Variants in TXLNB observed in about 807,000 individuals in gnomAD.
TXLNB encodes the protein beta-taxilin.
In TXLNB, 37 loss-of-function variants were observed where a neutral mutation model predicts 57.4. That is an observed-to-expected ratio of 0.64 (90% CI 0.50 to 0.85). The LOEUF (loss-of-function observed/expected upper bound fraction) is 0.85. Among genes scored for constraint, TXLNB ranks in the 40% least tolerant of loss-of-function variants. The probability of loss-of-function intolerance (pLI) is 0.00; values close to 1 mark genes in which losing one functional copy is unlikely to be tolerated. For synonymous variants in TXLNB, 302 were observed against 309.6 expected (o/e 0.98, Z 0.26); for missense variants, 848 against 825.6 (o/e 1.03, Z -0.33).
At chr6:139,316,432 C>T in the TXLNB span, among the ~76,000 whole-genome samples, 314 of 152,290 alleles carry the variant, frequency 2.1e-3, no homozygotes, top group African/African-American at 7.3e-3. Context: ...TCAGAATTCC[C>T]TTACCCCTGA....
the TXLNB span, among the ~76,000 whole-genome samples, chr6:139,212,754 T>C: frequency 6.6e-6 from 1 of 151,926 alleles, no homozygotes; most frequent in African/African-American, 2.4e-5. Context: ...CAGAGACACA[T>C]ATAGGCTCAA....
chr6:139,286,182 C>G (rs1777169734), intron 2 of TXLNB, among the ~76,000 whole-genome samples: 3 of 150,888 alleles, frequency 2.0e-5, no homozygotes, highest in Non-Finnish European at 4.4e-5. Flanking sequence ...TCCATCCACT[C>G]CCTACCTTGG....
intron 7 of TXLNB, among the ~76,000 whole-genome samples, chr6:139,248,720 T>C (rs775750258): frequency 6.6e-6 from 1 of 152,064 alleles, no homozygotes; most frequent in Non-Finnish European, 1.5e-5. Flanking sequence ...GGACAGTGGG[T>C]GATCGGAGAA....
intron 4 of TXLNB, among the ~76,000 whole-genome samples, 190 bp downstream of exon 4, chr6:139,270,266 C>G (rs1428266496): frequency 6.6e-6 from 1 of 152,114 alleles, no homozygotes; most frequent in Admixed American, 6.5e-5. Flanking sequence ...GGTCTAATCT[C>G]CATTTTACGG....
the TXLNB span, chr6:139,167,108 G>A: frequency 5.6e-6 from 9 of 1,614,166 alleles, no homozygotes; most frequent in South Asian, 1.1e-5. Context: ...CACTTTCCAC[G>A]TGCGCATGGA....
At chr6:139,278,941 T>C (rs1312384757) in intron 2 of TXLNB, among the ~76,000 whole-genome samples, 7 of 152,062 alleles carry the variant, frequency 4.6e-5, no homozygotes, top group Non-Finnish European at 1.5e-5. Flanking sequence ...GAGGCAGAGA[T>C]TGCAGTGAGC....
At chr6:139,285,909 CGA>C in intron 2 of TXLNB, among the ~76,000 whole-genome samples, 1 of 145,332 alleles carries the variant, frequency 6.9e-6, no homozygotes, top group East Asian at 2.0e-4. Context: ...ACTTTACCCA[CGA>C]GAGAGATTTT....
At chr6:139,309,486 G>A in the TXLNB span, among the ~76,000 whole-genome samples, 2 of 152,138 alleles carry the variant, frequency 1.3e-5, no homozygotes, top group East Asian at 3.9e-4. Context: ...TTGCATGATA[G>A]GCCTATTTGT....
At chr6:139,171,024 T>C in the TXLNB span, among the ~76,000 whole-genome samples, 86 of 151,680 alleles carry the variant, frequency 5.7e-4, no homozygotes, top group African/African-American at 2.1e-3. Flanking sequence ...AGAAAGGAGA[T>C]GGGTAGATAA....
At chr6:139,258,728 C>T (rs1272791665) in intron 6 of TXLNB, among the ~76,000 whole-genome samples, 1 of 152,192 alleles carries the variant, frequency 6.6e-6, no homozygotes, top group Non-Finnish European at 1.5e-5. Context: ...ACCTCTCTCT[C>T]ACCCCAGCAA....
the TXLNB span, among the ~76,000 whole-genome samples, chr6:139,307,155 C>T: frequency 6.6e-6 from 1 of 152,144 alleles, no homozygotes; most frequent in East Asian, 1.9e-4. Flanking sequence ...GAGCAGAGAG[C>T]CCAGAGCACA....
rs1436364432 is a variant in TXLNB, at chr6:139,243,064, G to T, written c.1517C>A (p.Ala506Asp). 1.2e-6 allele frequency: 2 copies of T among 1,614,086 alleles called. No individual in the cohort carries two copies. The highest frequency in any genetic ancestry group is 2.7e-5 in the African/African-American group (2 of 74,914). The change falls in exon 10 of 10, where the codon GCC becomes GAC. Residue 506 changes from alanine to aspartate, a missense_variant. Ala to Asp is a moderately radical substitution (Grantham distance 126, BLOSUM62 -2). Coordinates refer to ENST00000358430, the MANE Select transcript of TXLNB (RefSeq NM_153235.4). Reference sequence around the variant, plus strand: ...CTCTGGATGATGAATTATCATGAAGGCTGTGGCCAGATTTTTCACGGCGGT... The same window carrying T: ...CTCTGGATGATGAATTATCATGAAGTCTGTGGCCAGATTTTTCACGGCGGT... ...VQTAVKNLAT[A>D]FMIIHHPEST...
the TXLNB span, among the ~76,000 whole-genome samples, chr6:139,314,616 T>A: frequency 6.6e-6 from 1 of 152,188 alleles, no homozygotes; most frequent in Non-Finnish European, 1.5e-5. Context: ...TGGGCCTTGG[T>A]CACTTAGATT....
chr6:139,248,755 G>A (rs1776127050), intron 7 of TXLNB, among the ~76,000 whole-genome samples: 2 of 152,136 alleles, frequency 1.3e-5, no homozygotes, highest in South Asian at 2.1e-4. Flanking sequence ...GTGATCATGT[G>A]AGCCACATGT....
the TXLNB span, among the ~76,000 whole-genome samples, chr6:139,175,594 C>A: frequency 6.6e-6 from 1 of 152,150 alleles, no homozygotes; most frequent in African/African-American, 2.4e-5. Context: ...AGCCTGTTAA[C>A]TCAGAAGATT....
intron 7 of TXLNB, chr6:139,251,382 C>G (rs1776201089): frequency 6.6e-6 from 1 of 152,156 alleles, no homozygotes; most frequent in Admixed American, 6.5e-5. Context: ...GCTTTTCTTC[C>G]TATTTGACCT....
the TXLNB span, among the ~76,000 whole-genome samples, chr6:139,213,844 A>T: frequency 6.6e-6 from 1 of 152,234 alleles, no homozygotes; most frequent in African/African-American, 2.4e-5. Context: ...AGAATACTAT[A>T]AACACCTCTA....
At chr6:139,268,428 T>A (rs2114549153) in intron 4 of TXLNB, among the ~76,000 whole-genome samples, 1 of 152,238 alleles carries the variant, frequency 6.6e-6, no homozygotes, top group African/African-American at 2.4e-5. Context: ...ACACCCAACA[T>A]CTGAAAAACA....
At chr6:139,299,998 G>A in the TXLNB span, among the ~76,000 whole-genome samples, 27 of 152,052 alleles carry the variant, frequency 1.8e-4, no homozygotes, top group African/African-American at 6.3e-4. Flanking sequence ...CTAACTATAA[G>A]GTTCATTTTT....
Sources: gnomAD v4.1 joint callset for allele counts (sites outside exome capture counted in the v4.1 genomes callset) on GRCh38, gnomAD v4.1.1 for gene constraint, MANE v1.5 for transcripts, NCBI Gene and HGNC (gene_info 2026-07-23, HGNC 2026-07-21) for gene names.